EPHB1: variants seen among roughly 807,000 people sequenced by gnomAD.
EPHB1 encodes EPH receptor B1.
In EPHB1, 30 loss-of-function variants were observed where a neutral mutation model predicts 94.4. The observed-to-expected ratio is 0.32, with a 90% CI of 0.24 to 0.43. The LOEUF (loss-of-function observed/expected upper bound fraction) is 0.43, where lower values mean the gene tolerates loss of function less well. Among genes scored for constraint, EPHB1 ranks in the 20% least tolerant of loss-of-function variants. The probability of loss-of-function intolerance (pLI) is 1.00; values close to 1 mark genes in which losing one functional copy is unlikely to be tolerated. For synonymous variants in EPHB1, 522 were observed against 489.1 expected, an observed-to-expected ratio of 1.07 and a Z score of -0.89; for missense variants, 1,055 against 1,308.3, an observed-to-expected ratio of 0.81 and a Z score of 2.99.
intron 3 of EPHB1, among the ~76,000 whole-genome samples, chr3:135,010,490 A>G (rs1304112725): frequency 6.8e-6 from 1 of 147,934 alleles, no homozygotes; most frequent in Non-Finnish European, 1.5e-5. Flanking sequence ...GTGCTTGGGT[A>G]TTTTGTTAGA....
chr3:134,860,154 C>CAT (rs1553858672), intron 1 of EPHB1, among the ~76,000 whole-genome samples: 1 of 73,998 alleles, frequency 1.4e-5, no homozygotes, highest in Non-Finnish European at 2.8e-5. Context: ...GGAAGGGACA[C>CAT]ACACACACAC....
chr3:135,106,669 G>A (rs1939231958), intron 4 of EPHB1, 66 bp downstream of exon 4: 2 of 1,592,274 alleles, frequency 1.3e-6, no homozygotes, highest in Non-Finnish European at 1.7e-6. Context: ...TGGTGGGTCT[G>A]GGGCAAGGAA....
chr3:135,217,497 T>A (rs1181964850), intron 12 of EPHB1, among the ~76,000 whole-genome samples: 2 of 151,676 alleles, frequency 1.3e-5, no homozygotes, highest in African/African-American at 4.9e-5. Flanking sequence ...GAGAGAGATG[T>A]GTGTAGTGTA....
intron 3 of EPHB1, among the ~76,000 whole-genome samples, chr3:134,963,237 A>T (rs1933599924): frequency 6.6e-6 from 1 of 151,788 alleles, no homozygotes; most frequent in African/African-American, 2.4e-5. Context: ...CATGTTAAAA[A>T]GTGAGTTAAT....
At chr3:134,996,146 A>T (rs1934987922) in intron 3 of EPHB1, among the ~76,000 whole-genome samples, 1 of 152,226 alleles carries the variant, frequency 6.6e-6, no homozygotes, top group Non-Finnish European at 1.5e-5. Context: ...TCTACTAATT[A>T]GGTTCCTTAT....
intron 1 of EPHB1, among the ~76,000 whole-genome samples, chr3:134,798,311 C>T (rs941686641): frequency 6.6e-6 from 1 of 152,094 alleles, no homozygotes; most frequent in African/African-American, 2.4e-5. Flanking sequence ...AAGGCAGGGC[C>T]CTAAGACACC....
In EPHB1 at chr3:135,078,880, G is replaced by C. The variant is rs79786773; in HGVS notation, c.806-27568G>C. ...GGACAGAGAACTTTGCGTAGAACTT[G>C]GCAGGCTCATGCCCTTTGCTGAGTC... On this transcript the variant is annotated intron_variant, in intron 3 of 15. Coordinates refer to ENST00000398015, the MANE Select transcript of EPHB1 (RefSeq NM_004441.5). Among the ~76,000 whole-genome samples the C allele has an allele frequency of 7.8e-4, 119 of 152,306 alleles. 1 individual carries two copies. In the East Asian group the frequency reaches 0.02, roughly 25 times the overall value.
chr3:134,979,577 A>T (rs1046049758), intron 3 of EPHB1, among the ~76,000 whole-genome samples: 4 of 152,218 alleles, frequency 2.6e-5, no homozygotes, highest in Non-Finnish European at 5.9e-5. Flanking sequence ...ACAATCTTAT[A>T]AGGGAGTTAC....
rs545491891 is a variant in EPHB1, at chr3:135,171,715, T to A, written c.1759+4709T>A. Among the ~76,000 whole-genome samples the A allele has an allele frequency of 3.3e-5, 5 of 152,332 alleles. No homozygotes were observed. In the East Asian group the frequency reaches 9.6e-4, roughly 29 times the overall value. ...ATTCTTAGTATCAGTGATACATAGC[T>A]GACAAAAATCCAAGCAATGTTATTG... On this transcript the variant is annotated intron_variant, in intron 9 of 15. Transcript: ENST00000398015.
intron 12 of EPHB1, among the ~76,000 whole-genome samples, chr3:135,220,506 G>A (rs1055094604): frequency 2.6e-5 from 4 of 151,796 alleles, no homozygotes; most frequent in Non-Finnish European, 4.4e-5. Flanking sequence ...AAAAAAGGGC[G>A]TAGAGAAAAG....
chr3:134,936,570 CG>C (rs1312647881), intron 2 of EPHB1, among the ~76,000 whole-genome samples: 38 of 149,058 alleles, frequency 2.5e-4, no homozygotes, highest in Admixed American at 6.0e-4. Context: ...GGGCTGAACG[CG>C]CCCCCCCCTC....
intron 3 of EPHB1, among the ~76,000 whole-genome samples, chr3:134,980,413 GA>G (rs1202114432): frequency 6.6e-6 from 1 of 152,192 alleles, no homozygotes; most frequent in Non-Finnish European, 1.5e-5. Context: ...ATTGGTTGAA[GA>G]AGTCACAAGC....
At chr3:134,860,150 G>GACACACACACACACACACAC (rs10642036) in intron 1 of EPHB1, among the ~76,000 whole-genome samples, 4 of 142,922 alleles carry the variant, frequency 2.8e-5, no homozygotes, top group Admixed American at 7.0e-5. Context: ...AGAAGGAAGG[G>GACACACACACACACACACAC]ACACACACAC....
intron 1 of EPHB1, among the ~76,000 whole-genome samples, chr3:134,810,604 G>A (rs1232407148): frequency 6.6e-6 from 1 of 152,220 alleles, no homozygotes; most frequent in Non-Finnish European, 1.5e-5. Flanking sequence ...AGCGTACAAA[G>A]CAAGTGTTTC....
intron 1 of EPHB1, among the ~76,000 whole-genome samples, chr3:134,880,984 C>T (rs1281089411): frequency 6.6e-6 from 1 of 152,182 alleles, no homozygotes; most frequent in Non-Finnish European, 1.5e-5. Context: ...TTGTTTCTCA[C>T]TGGAGCGGCA....
At chr3:135,184,541 G>A (rs1408281290) in intron 10 of EPHB1, among the ~76,000 whole-genome samples, 3 of 152,210 alleles carry the variant, frequency 2.0e-5, no homozygotes. Context: ...CTGGCCTAGT[G>A]CATGGCACTT....
intron 1 of EPHB1, among the ~76,000 whole-genome samples, chr3:134,879,463 C>T (rs2037684246): frequency 6.6e-6 from 1 of 151,840 alleles, no homozygotes; most frequent in African/African-American, 2.4e-5. Context: ...ATGGTGAGAC[C>T]CTGTCTCTAC....
At chr3:135,120,015 G>A (rs189778775) in intron 4 of EPHB1, among the ~76,000 whole-genome samples, 3 of 152,208 alleles carry the variant, frequency 2.0e-5, no homozygotes, top group African/African-American at 7.2e-5. Context: ...TCTAAAGATG[G>A]TAGCTTTCTG....
At chr3:134,995,987 CT>C (rs950634010) in intron 3 of EPHB1, among the ~76,000 whole-genome samples, 2 of 151,580 alleles carry the variant, frequency 1.3e-5, no homozygotes, top group Admixed American at 6.6e-5. Flanking sequence ...TGCTTTATGA[CT>C]TTTTTTTACA....
Sources: allele counts gnomAD v4.1 joint callset (sites outside exome capture counted in the v4.1 genomes callset), GRCh38; gene constraint gnomAD v4.1.1; transcripts MANE v1.5; gene names NCBI Gene and HGNC (gene_info 2026-07-23, HGNC 2026-07-21).